Variants in DNAH10 observed in about 807,000 individuals in gnomAD.
DNAH10 encodes dynein axonemal heavy chain 10, also known as axonemal beta dynein heavy chain 10.
A neutral mutation model predicts 506.6 loss-of-function variants in DNAH10; 348 were observed. The observed-to-expected ratio is 0.69, with a 90% CI of 0.63 to 0.75. The LOEUF (loss-of-function observed/expected upper bound fraction) is 0.75, where lower values mean the gene tolerates loss of function less well. Among genes scored for constraint, DNAH10 ranks in the 30% least tolerant of loss-of-function variants. DNAH10 has a pLI of 0.00. For synonymous variants in DNAH10, 2,059 were observed against 2,198.6 expected, an observed-to-expected ratio of 0.94 and a Z score of 1.78; for missense variants, 5,179 against 5,787.1, an observed-to-expected ratio of 0.89 and a Z score of 3.41.
At chr12:123,869,967 A>G (rs1951962871) in intron 43 of DNAH10, among the ~76,000 whole-genome samples, 2 of 152,116 alleles carry the variant, frequency 1.3e-5, no homozygotes. Flanking sequence ...TGAAATGGCC[A>G]CTTCTTGCCT....
At chr12:123,880,211 A>T (rs1285015610) in intron 50 of DNAH10, among the ~76,000 whole-genome samples, 1 of 152,212 alleles carries the variant, frequency 6.6e-6, no homozygotes, top group African/African-American at 2.4e-5. Flanking sequence ...TTAGTCCTGG[A>T]GACCCAAGCA....
At chr12:123,857,488 G>A (rs141285153) in intron 37 of DNAH10, among the ~76,000 whole-genome samples, 4,166 of 152,268 alleles carry the variant, frequency 0.027, 119 homozygotes, top group African/African-American at 0.072. Context: ...CCAGCACTTC[G>A]GGAGGCTGAG....
At chr12:123,782,105 T>C (rs1594006364) in intron 6 of DNAH10, among the ~76,000 whole-genome samples, 1 of 152,218 alleles carries the variant, frequency 6.6e-6, no homozygotes, top group South Asian at 2.1e-4. Flanking sequence ...TTCATCTTTT[T>C]GTCTTTGTAT....
rs766547147 is a variant in DNAH10 at position 123,879,793 on chromosome 12, C to G, written c.8626C>G (p.Leu2876Val). ...CCAGGACTACGAGGCGGCCAAGGCT[C>G]TGTTCCAGGTGGGGATGAGCCCCAC... ...DIQDYEAAKA[L>V]FQEILEEYNE... Residue 2876 changes from leucine to valine, a missense_variant, in exon 50 of 79, where the codon CTG becomes GTG. Physicochemically the swap from Leu to Val is conservative, Grantham distance 32. Around this residue, in one of 3 missense-constraint regions of DNAH10, gnomAD observed 4,844 missense variants for 5,430.5 expected, o/e 0.89. Coordinates refer to ENST00000673944, the MANE Select transcript of DNAH10 (RefSeq NM_001372106.1). 3 of 1,613,938 alleles carry G rather than the reference C, an allele frequency of 1.9e-6. No homozygotes were observed. The highest frequency in any genetic ancestry group is 2.5e-6 in the Non-Finnish European group (3 of 1,179,830).
intron 35 of DNAH10, among the ~76,000 whole-genome samples, chr12:123,851,640 G>A (rs1235447364): frequency 2.0e-5 from 3 of 152,228 alleles, no homozygotes; most frequent in Non-Finnish European, 4.4e-5. Context: ...ATTAACTCAG[G>A]TGTAGACGTT....
At chr12:123,831,755 G>A (rs1488035563) in intron 26 of DNAH10, among the ~76,000 whole-genome samples, 26 of 58,604 alleles carry the variant, frequency 4.4e-4, no homozygotes, top group Admixed American at 1.7e-3. Flanking sequence ...TTAGCCGGGT[G>A]TGGTGCCGGG....
intron 4 of DNAH10, among the ~76,000 whole-genome samples, 185 bp downstream of exon 4, chr12:123,773,127 A>C (rs781306124): frequency 6.6e-6 from 1 of 152,244 alleles, no homozygotes; most frequent in Non-Finnish European, 1.5e-5. Context: ...AAGAAGTGTT[A>C]GAGATAAAGA....
Position 123,893,403 on chromosome 12 carries a change from G to C in DNAH10, c.9166G>C (p.Asp3056His), listed in dbSNP as rs1315473350. Residue 3056 changes from aspartate to histidine, a missense_variant, in exon 53 of 79, where the codon GAC becomes CAC. Coordinates refer to ENST00000673944, the MANE Select transcript of DNAH10 (RefSeq NM_001372106.1). ...HIVLGMSPVG[D>H]TLRTWCRNFP... ...TGTCCTGGGCATGTCGCCAGTGGGG[G>C]ACACCCTGAGGACCTGGTGCAGAAA... 6.2e-7 allele frequency: 1 copy of C among 1,613,158 alleles called. No individual in the cohort carries two copies. The highest frequency in any genetic ancestry group is 1.1e-5 in the South Asian group (1 of 91,040).
intron 36 of DNAH10, 83 bp from the exon 37 acceptor site, chr12:123,856,973 T>G: frequency 4.1e-6 from 4 of 971,410 alleles, no homozygotes; most frequent in Non-Finnish European, 5.7e-6. Context: ...TTCATAAGAG[T>G]GTTACCACTG....
Position 123,907,858 on chromosome 12 carries a change from T to C in DNAH10, c.9816-1403T>C, listed in dbSNP as rs1469424495. ...CCAACACCAGCGTGATCGAGCCTTT[T>C]CCCGGGGACTCAGGGCCTTTCTTTC... is the stretch of plus-strand genomic sequence containing the variant. On this transcript the variant is annotated intron_variant, in intron 57 of 78. Coordinates refer to ENST00000673944, the MANE Select transcript of DNAH10 (RefSeq NM_001372106.1). The surrounding 1 kb of genome is among the most constrained non-coding windows in gnomAD (Gnocchi z 4.4). 1.3e-5 allele frequency among the ~76,000 whole-genome samples: 2 copies of C among 152,196 alleles called. No individual in the cohort carries two copies. The highest frequency in any genetic ancestry group is 2.9e-5 in the Non-Finnish European group (2 of 68,036).
At chr12:123,801,937 A>G (rs1042769820) in intron 16 of DNAH10, among the ~76,000 whole-genome samples, 9 of 152,232 alleles carry the variant, frequency 5.9e-5, no homozygotes, top group African/African-American at 2.2e-4. Context: ...CCTGGCAACC[A>G]TGAATCTTTA....
chr12:123,825,392 A>G (rs1169195678), intron 24 of DNAH10, among the ~76,000 whole-genome samples: 1 of 152,224 alleles, frequency 6.6e-6, no homozygotes, highest in Admixed American at 6.5e-5. Flanking sequence ...CCAAATGCCC[A>G]TTAAGTGAAT....
At chr12:123,815,123 C>T (rs1959100496) in intron 21 of DNAH10, among the ~76,000 whole-genome samples, 1 of 152,150 alleles carries the variant, frequency 6.6e-6, no homozygotes, top group South Asian at 2.1e-4. Context: ...TTAGATTAAT[C>T]TGCACAAATG....
intron 11 of DNAH10, among the ~76,000 whole-genome samples, chr12:123,791,906 A>G (rs1216868945): frequency 1.3e-5 from 2 of 152,160 alleles, no homozygotes; most frequent in Non-Finnish European, 2.9e-5. Flanking sequence ...AAACAGCTCC[A>G]TGCTTAACTC....
At position 123,929,672 on chromosome 12, in the gene DNAH10, G is replaced by A. The variant is rs1404591478; in HGVS notation, c.12525G>A (p.Met4175Ile). The stretch of plus-strand genomic sequence containing the variant: ...TGTTCTCTTCTTTCAAGGTCTGCAT[G>A]GAAATTCTGAACACGTACTTAACGA... Reference protein sequence around the residue: ...DFNESDFQVCMEILNTYLTKA... With the variant: ...DFNESDFQVCIEILNTYLTKA... The change falls in exon 72 of 79, where the codon ATG becomes ATA. Residue 4175 changes from methionine to isoleucine, a missense_variant. Around this residue, in one of 3 missense-constraint regions of DNAH10, gnomAD observed 4,844 missense variants for 5,430.5 expected, o/e 0.89. Coordinates refer to ENST00000673944, the MANE Select transcript of DNAH10 (RefSeq NM_001372106.1). 3 of 1,613,184 alleles carry A rather than the reference G, an allele frequency of 1.9e-6. No individual in the cohort carries two copies. The highest frequency in any genetic ancestry group is 3.3e-5 in the Admixed American group (2 of 59,940).
At chr12:123,830,396 G>A in intron 25 of DNAH10, 150 bp from the exon 26 acceptor site, 4 of 927,520 alleles carry the variant, frequency 4.3e-6, no homozygotes, top group Non-Finnish European at 6.3e-6. Flanking sequence ...GGAGAACTTT[G>A]GGAATATATT....
chr12:123,899,463 C>A (rs551321399), intron 56 of DNAH10, among the ~76,000 whole-genome samples: 1 of 152,098 alleles, frequency 6.6e-6, no homozygotes. Context: ...CCTGCTGGTC[C>A]GTGTTCGTGT....
rs368019409 is a variant in DNAH10 at position 123,848,733 on chromosome 12, G to A, written c.5953G>A (p.Val1985Met). The A allele has an allele frequency of 3.8e-5, 61 of 1,613,786 alleles. 1 individual carries two copies. Among genetic ancestry groups the A allele is most frequent in the East Asian group, 2.7e-4 (12 of 44,888 alleles). Reference protein sequence around the residue: ...NCGEGMDYRAVGKIFSGLAQC... With the variant: ...NCGEGMDYRAMGKIFSGLAQC... ...CCTGACATGTCTTTCTTCCTAGGCC[G>A]TGGGGAAGATTTTCTCTGGCCTGGC... Residue 1985 changes from valine (V) to methionine (M), a missense_variant, in exon 34 of 79, where the codon GTG becomes ATG. Val to Met is a conservative substitution (Grantham distance 21). Around this residue, in one of 3 missense-constraint regions of DNAH10, gnomAD observed 4,844 missense variants for 5,430.5 expected, o/e 0.89. Coordinates refer to ENST00000673944, the MANE Select transcript of DNAH10 (RefSeq NM_001372106.1).
chr12:123,921,691 GTTTTTTTTTTTTTTTTTTTTTTTTTTT>G lies in DNAH10; in HGVS notation c.11507-2058_11507-2032del, dbSNP rs35553163. Among the ~76,000 whole-genome samples the G allele has an allele frequency of 8.0e-3, 501 of 62,890 alleles. 4 individuals are homozygous for G. The highest frequency in any genetic ancestry group is 0.029 in the African/African-American group (481 of 16,504). The allele number at this position is 62,890 out of a possible 152,430, so 41.3% of individuals were successfully genotyped here. On this transcript the variant is annotated intron_variant, in intron 65 of 78. Coordinates refer to ENST00000673944, the MANE Select transcript of DNAH10 (RefSeq NM_001372106.1). ...CTTGTCCATCTGTCTGTAGCTTGCA[GTTTTTTTTTTTTTTTTTTTTTTTTTTT>G]TTTTTTTTTTTTTGAGACAGAATGT...
Sources: allele counts gnomAD v4.1 joint callset (sites outside exome capture counted in the v4.1 genomes callset), GRCh38; gene constraint gnomAD v4.1.1; regional missense constraint gnomAD v4.1.1; non-coding constraint Gnocchi (gnomAD v3.1); transcripts MANE v1.5; gene names NCBI Gene and HGNC (gene_info 2026-07-23, HGNC 2026-07-21).